The following P4HA3 variants were observed in gnomAD, a reference collection of about 807,000 sequenced individuals.
P4HA3 encodes prolyl 4-hydroxylase subunit alpha 3, also known as prolyl 4-hydroxylase subunit alpha-3.
Under a neutral mutation model 66.7 loss-of-function variants are expected in P4HA3, and 60 were observed. That is an observed-to-expected ratio of 0.90 (90% CI 0.73 to 1.12). The LOEUF (loss-of-function observed/expected upper bound fraction) is 1.12, where lower values mean the gene tolerates loss of function less well. Ranked by LOEUF, P4HA3 falls within the 50% of genes most tolerant of loss-of-function variation. The pLI is 0.00. For missense variants in P4HA3, 683 were observed against 685.8 expected (o/e 1.00, Z 0.05); for synonymous variants, 263 against 274.6 (o/e 0.96, Z 0.42).
chr11:74,307,766 G>A (rs2134835073), intron 1 of P4HA3, among the ~76,000 whole-genome samples: 1 of 152,276 alleles, frequency 6.6e-6, no homozygotes, highest in Middle Eastern at 3.4e-3. Context: ...CCCAATCCCT[G>A]CATTAAACAT....
intron 15 of P4HA3, chr11:74,251,106 C>T: frequency 6.5e-7 from 1 of 1,534,846 alleles, no homozygotes; most frequent in Non-Finnish European, 8.8e-7. Flanking sequence ...TCTCAGCCTG[C>T]ATTGCCTGCA....
chr11:74,266,586 G>A (rs567276081), downstream of P4HA3: 4 of 164,540 alleles, frequency 2.4e-5, no homozygotes, highest in South Asian at 3.2e-4. Context: ...CATGGATGTG[G>A]AGGGCCAACT....
intron 10 of P4HA3, among the ~76,000 whole-genome samples, chr11:74,272,088 C>A (rs1389386663): frequency 6.6e-6 from 1 of 152,106 alleles, no homozygotes; most frequent in African/African-American, 2.4e-5. Flanking sequence ...TAGTAAGTGG[C>A]AAAATCAGGA....
At chr11:74,286,415 T>C in intron 5 of P4HA3, 24 bp from the exon 6 acceptor site, 2 of 1,504,796 alleles carry the variant, frequency 1.3e-6, no homozygotes. Flanking sequence ...GAGCAGGGAA[T>C]ATAAAATAGG....
chr11:74,286,325 T>A lies in P4HA3; in HGVS notation c.836A>T (p.Asn279Ile). The change falls in exon 6 of 13, where the codon AAC becomes ATC. Residue 279 changes from asparagine (N) to isoleucine (I), a missense_variant. Transcript: ENST00000331597. ...GATGACAGCCTCAGCTACCACGTGGTTGGGGCTCTCTGCCAAGAGCCTTTC... is the reference window on the plus strand; with the variant it reads ...GATGACAGCCTCAGCTACCACGTGGATGGGGCTCTCTGCCAAGAGCCTTTC... The part of the protein sequence containing the change: ...KYERLLAESP[N>I]HVVAEAVIQR... 1 of 1,606,596 alleles carries A rather than the reference T, an allele frequency of 6.2e-7. No homozygotes were observed. Among genetic ancestry groups the A allele is most frequent in the Non-Finnish European group, 8.5e-7 (1 of 1,177,300 alleles).
intron 7 of P4HA3, among the ~76,000 whole-genome samples, chr11:74,280,246 T>G (rs143671700): frequency 4.5e-3 from 688 of 152,096 alleles, no homozygotes; most frequent in Non-Finnish European, 6.2e-3. Flanking sequence ...CTCCAACTCC[T>G]AGACTCAAGC....
intron 7 of P4HA3, among the ~76,000 whole-genome samples, chr11:74,280,194 C>G (rs1008721007): frequency 6.6e-6 from 1 of 152,100 alleles, no homozygotes; most frequent in Admixed American, 6.6e-5. Flanking sequence ...TGCTCTGTTG[C>G]CCAGGCTGGA....
At chr11:74,293,486 A>G (rs1487859286) in intron 4 of P4HA3, among the ~76,000 whole-genome samples, 4 of 152,224 alleles carry the variant, frequency 2.6e-5, no homozygotes, top group Non-Finnish European at 2.9e-5. Flanking sequence ...TGATCCTGTC[A>G]TTATGACATT....
chr11:74,281,894 AT>A (rs1860614782), intron 7 of P4HA3, among the ~76,000 whole-genome samples: 1 of 147,568 alleles, frequency 6.8e-6, no homozygotes, highest in African/African-American at 2.5e-5. Context: ...AATAATAATA[AT>A]AATAAAAGTT....
At chr11:74,311,038 G>A (rs1861723805) in intron 1 of P4HA3, among the ~76,000 whole-genome samples, 1 of 152,108 alleles carries the variant, frequency 6.6e-6, no homozygotes, top group South Asian at 2.1e-4. Flanking sequence ...AGCACATTGT[G>A]AGGTCCTAGA....
chr11:74,311,413 TA>T lies in P4HA3; in HGVS notation c.198del (p.Arg67AspfsTer50). The T allele has an allele frequency of 6.6e-7, 1 of 1,522,160 alleles. No homozygotes were observed. The highest frequency in any genetic ancestry group is 1.2e-5 in the South Asian group (1 of 80,310). The allele number at this position is 1,522,160 out of a possible 1,614,324, so 94.3% of individuals were successfully genotyped here. Reference sequence around the variant, plus strand: ...CGCTCCCACTCGTCGTGCCCTCACCTAGTCAGGTCCCGCAGCCGCGCCTCCT... The same window carrying T: ...CGCTCCCACTCGTCGTGCCCTCACCTGTCAGGTCCCGCAGCCGCGCCTCCT... The part of the protein sequence containing the change: ...RGEEARLRDL[T>X]RFYDKVLSLH... On this transcript the variant is annotated frameshift_variant and splice_region_variant, in exon 1 of 13. Transcript: ENST00000331597. LOFTEE classifies it high-confidence loss of function.
chr11:74,309,585 C>T (rs1458082794), intron 1 of P4HA3, among the ~76,000 whole-genome samples: 1 of 152,194 alleles, frequency 6.6e-6, no homozygotes, highest in Non-Finnish European at 1.5e-5. Context: ...AGAAAAAATT[C>T]TGTCCTATTT....
At chr11:74,252,334 C>T (rs943360352) in intron 15 of P4HA3, 12 of 414,312 alleles carry the variant, frequency 2.9e-5, no homozygotes, top group African/African-American at 1.4e-4. Flanking sequence ...GTGATCCACC[C>T]GCATCGGCCT....
chr11:74,274,347 C>T (rs1860319807), intron 9 of P4HA3, among the ~76,000 whole-genome samples: 1 of 150,584 alleles, frequency 6.6e-6, no homozygotes, highest in African/African-American at 2.4e-5. Context: ...ACTCTGTTGC[C>T]CAGGCTGGAG....
At chr11:74,251,709 T>G in intron 15 of P4HA3, 1 of 1,613,954 alleles carries the variant, frequency 6.2e-7, no homozygotes, top group Non-Finnish European at 8.5e-7. Flanking sequence ...ATCGGTGGAT[T>G]CCAGTGGTAA....
intron 11 of P4HA3, among the ~76,000 whole-genome samples, chr11:74,269,416 T>G (rs949592920): frequency 6.6e-6 from 1 of 152,180 alleles, no homozygotes; most frequent in Non-Finnish European, 1.5e-5. Flanking sequence ...AAGACAGACA[T>G]GTAATCATCT....
At chr11:74,261,789 A>G (rs1859911101), downstream of P4HA3, among the ~76,000 whole-genome samples, 1 of 152,196 alleles carries the variant, frequency 6.6e-6, no homozygotes, top group South Asian at 2.1e-4. Context: ...TGAATAAATG[A>G]CAGGCCACAC....
chr11:74,253,501 T>C (rs1325879607), intron 15 of P4HA3: 5 of 1,608,902 alleles, frequency 3.1e-6, no homozygotes, highest in Non-Finnish European at 2.6e-6. Context: ...GTGTGTTTCC[T>C]GGCTGTTAGT....
rs991264846 is a variant in P4HA3 at position 74,253,727 on chromosome 11, G to A, written c.*1319-5726C>T. The A allele has an allele frequency of 1.3e-4, 79 of 610,950 alleles. No individual in the cohort carries two copies. The African/African-American group carries it at 1.4e-3, about 11-fold the overall frequency. The allele number at this position is 610,950 out of a possible 1,614,324, so 37.8% of individuals were successfully genotyped here. On this transcript the variant is annotated intron_variant and NMD_transcript_variant, in intron 15 of 15. Coordinates refer to the P4HA3 transcript ENST00000524388. ...CCAACATCGGCTTCCCCAGTCCAGG[G>A]CTCCCCTGCTCCTTTCCCTTCCCTG...
Sources: allele counts gnomAD v4.1 joint callset (sites outside exome capture counted in the v4.1 genomes callset), GRCh38; gene constraint gnomAD v4.1.1; transcripts MANE v1.5; gene names NCBI Gene and HGNC (gene_info 2026-07-23, HGNC 2026-07-21).